NOXA1: variants seen among roughly 807,000 people sequenced by gnomAD.
NOXA1 encodes the protein NCF2-like protein.
A neutral mutation model predicts 64.8 loss-of-function variants in NOXA1; 56 were observed. The ratio of observed to expected loss-of-function variants is 0.86; its 90% CI spans 0.70 to 1.08. The LOEUF is 1.08. NOXA1 is among the 50% of genes least tolerant of loss of function. NOXA1 has a pLI of 0.00. For missense variants in NOXA1, 668 were observed against 658.5 expected (o/e 1.01, Z -0.16); for synonymous variants, 295 against 294.8 (o/e 1.00, Z -0.01).
Position 137,433,849 on chromosome 9 carries a change from G to A in NOXA1, c.1164G>A (p.Leu388=), listed in dbSNP as rs1564243013. ...ACGCAGCTGCCTGCCCCAGGGGGCT[G>A]CAGCTGCAGTGCAGGGTGAGCCAAG... ...WQDAAACPRG[L]QLQCRGAGGR... is the part of the protein sequence containing the mutation. The change falls in exon 12 of 14, where the codon CTG becomes CTA. Residue 388 remains leucine (L), a synonymous_variant. Transcript: ENST00000683555. 6.9e-7 allele frequency: 1 copy of A among 1,451,736 alleles called. No individual in the cohort carries two copies. The highest frequency in any genetic ancestry group is 9.1e-7 in the Non-Finnish European group (1 of 1,099,876). 89.9% of individuals were successfully genotyped at this position (1,451,736 alleles called of 1,614,324 possible). A position where few individuals can be genotyped will look rare whatever the true frequency, so the allele number is the denominator to read the frequency against.
At chr9:137,425,827 G>A (rs1339663214) in intron 1 of NOXA1, among the ~76,000 whole-genome samples, 2 of 150,216 alleles carry the variant, frequency 1.3e-5, no homozygotes, top group East Asian at 2.0e-4. Context: ...AGCCAAGATC[G>A]AGCCACTGCA....
intron 1 of NOXA1, among the ~76,000 whole-genome samples, chr9:137,425,569 A>G (rs951972639): frequency 3.3e-5 from 5 of 152,106 alleles, no homozygotes; most frequent in African/African-American, 4.8e-5. Context: ...TATTTTTAGT[A>G]GAGATGGGGT....
At chr9:137,433,894 C>A (rs960994837) in intron 12 of NOXA1, 30 bp downstream of exon 12, 1 of 1,474,260 alleles carries the variant, frequency 6.8e-7, no homozygotes, top group Non-Finnish European at 9.0e-7. Flanking sequence ...GGGGCAGGGG[C>A]ACCCTGAGGG....
intron 9 of NOXA1, 35 bp from the exon 10 acceptor site, chr9:137,433,170 G>C (rs1839190607): frequency 6.2e-7 from 1 of 1,609,398 alleles, no homozygotes; most frequent in African/African-American, 1.3e-5. Flanking sequence ...CCACTTTGGT[G>C]GTAGTGGCTG....
intron 2 of NOXA1, 150 bp downstream of exon 2, chr9:137,426,480 CTG>C (rs2131874602): frequency 2.8e-6 from 2 of 710,766 alleles, no homozygotes; most frequent in South Asian, 1.7e-5. Flanking sequence ...AAACCTGAGA[CTG>C]TGGCCCTCGC....
At position 137,431,135 on chromosome 9, in the gene NOXA1, C is replaced by T; in HGVS notation, c.698+35C>T. On this transcript the variant is annotated intron_variant, in intron 7 of 13. Coordinates refer to ENST00000683555, the MANE Select transcript of NOXA1 (RefSeq NM_001256067.2). The surrounding 1 kb of genome is among the most constrained non-coding windows in gnomAD (Gnocchi z 5.6). ...GCTGACTGGGCCCTGCGAGCGCGTG[C>T]CTTTCCTGCTGGGCAGAGGCCCTCC... is the stretch of plus-strand genomic sequence containing the variant. 1 of 1,612,830 alleles carries T rather than the reference C, an allele frequency of 6.2e-7. No homozygotes were observed. Among genetic ancestry groups the T allele is most frequent in the Non-Finnish European group, 8.5e-7 (1 of 1,179,826 alleles).
chr9:137,429,809 CGGGGGGGT>C (rs1839012028), intron 5 of NOXA1, among the ~76,000 whole-genome samples: 1 of 97,708 alleles, frequency 1.0e-5, no homozygotes, highest in East Asian at 3.1e-4. Context: ...AGCGAGGTCC[CGGGGGGGT>C]CCCTGCGTCC....
intron 1 of NOXA1, 24 bp downstream of exon 1, chr9:137,423,730 GTGCGGGCGA>G (rs1177480543): frequency 8.0e-7 from 1 of 1,250,722 alleles, no homozygotes. Context: ...GGGGAGGCCG[GTGCGGGCGA>G]CGCCTCCGCC....
intron 1 of NOXA1, among the ~76,000 whole-genome samples, chr9:137,425,170 A>T (rs1292180624): frequency 6.6e-6 from 1 of 152,204 alleles, no homozygotes; most frequent in East Asian, 1.9e-4. Context: ...GCCCCCACTC[A>T]GCCAGATTTG....
chr9:137,432,888 C>T (rs1839174800), intron 8 of NOXA1, 141 bp from the exon 9 acceptor site: 15 of 859,004 alleles, frequency 1.7e-5, no homozygotes, highest in Non-Finnish European at 2.6e-5. Flanking sequence ...GTGGCCAGTG[C>T]CCTGAATTCA....
Position 137,431,172 on chromosome 9 carries a change from C to G in NOXA1, c.699-64C>G. The G allele has an allele frequency of 1.9e-6, 3 of 1,610,676 alleles. No homozygotes were observed. In the South Asian group the frequency reaches 3.3e-5, roughly 18 times the overall value. ...GGCAGAGGCCCTCCACATGGGGCCA[C>G]GCGGGCCGGGCACAGGAGGGCAGTC... is the stretch of plus-strand genomic sequence containing the variant. On this transcript the variant is annotated intron_variant, in intron 7 of 13. Transcript: ENST00000683555. The surrounding 1 kb of genome is among the most constrained non-coding windows in gnomAD (Gnocchi z 5.6).
In NOXA1 at chr9:137,433,558, G is replaced by A; in HGVS notation, c.1015G>A (p.Ala339Thr). Reference sequence around the variant, plus strand: ...AGGAGCCGACCTGTCCAGCCTGCGGGCACTGCTGGGCCAAGCCCTCCCTCA... The same window carrying A: ...AGGAGCCGACCTGTCCAGCCTGCGGACACTGCTGGGCCAAGCCCTCCCTCA... Reference protein sequence around the residue: ...RRGADLSSLRALLGQALPHQA... With the variant: ...RRGADLSSLRTLLGQALPHQA... The change falls in exon 11 of 14, where the codon GCA becomes ACA. Residue 339 changes from alanine (A) to threonine (T), a missense_variant. By Grantham distance (58) the Ala-to-Thr change is moderately conservative. Transcript: ENST00000683555. 6 of 1,569,812 alleles carry A rather than the reference G, an allele frequency of 3.8e-6. No homozygotes were observed. Among genetic ancestry groups the A allele is most frequent in the Non-Finnish European group, 5.2e-6 (6 of 1,159,952 alleles).
Position 137,433,224 on chromosome 9 carries a change from G to T in NOXA1, c.870G>T (p.Gly290=), listed in dbSNP as rs754103558. ...PLSPGLPAMG[G]PGPGPCEDPA... is the part of the protein sequence containing the mutation. ...CTACAGGGCTGCCGGCAATGGGGGG[G>T]CCTGGCCCCGGCCCCTGTGAGGACC... is the stretch of plus-strand genomic sequence containing the variant. The change falls in exon 10 of 14, where the codon GGG becomes GGT. Residue 290 remains glycine, a synonymous_variant. Coordinates refer to ENST00000683555, the MANE Select transcript of NOXA1 (RefSeq NM_001256067.2). 9 of 1,605,138 alleles carry T rather than the reference G, an allele frequency of 5.6e-6. No individual in the cohort carries two copies. The Admixed American group carries it at 1.5e-4, about 27-fold the overall frequency.
intron 2 of NOXA1, among the ~76,000 whole-genome samples, chr9:137,427,669 TCA>T (rs1838897199): frequency 6.6e-6 from 1 of 152,052 alleles, no homozygotes; most frequent in African/African-American, 2.4e-5. Context: ...GGAAGGAGGC[TCA>T]GAGTTTGGAG....
chr9:137,429,444 C>T, intron 5 of NOXA1, 61 bp downstream of exon 5: 2 of 1,231,058 alleles, frequency 1.6e-6, no homozygotes, highest in Non-Finnish European at 2.3e-6. Flanking sequence ...GAACTGTGTT[C>T]CCAGGGATGG....
Position 137,426,335 on chromosome 9 carries a change from G to C in NOXA1, c.260+5G>C. 1.9e-6 allele frequency: 3 copies of C among 1,613,212 alleles called. No individual in the cohort carries two copies. Among genetic ancestry groups the C allele is most frequent in the Non-Finnish European group, 2.5e-6 (3 of 1,179,536 alleles). On this transcript the variant is annotated splice_donor_5th_base_variant and intron_variant, in intron 2 of 13. Coordinates refer to ENST00000683555, the MANE Select transcript of NOXA1 (RefSeq NM_001256067.2). ...GGCCAACTTCCAGCTGGCAAGGTGA[G>C]TACAGGGGTGCCTTGTTCCTTCTCT... is the stretch of plus-strand genomic sequence containing the variant.
chr9:137,431,022 G>A lies in NOXA1; in HGVS notation c.673-53G>A. On this transcript the variant is annotated intron_variant, in intron 6 of 13. Transcript: ENST00000683555. The surrounding 1 kb of genome is among the most constrained non-coding windows in gnomAD (Gnocchi z 5.6). ...CCACTCTTCAAGGTTCAGGAGGAGG[G>A]AGGGCGGCCCCCGACCCTTAACCAG... 6.2e-6 allele frequency: 10 copies of A among 1,612,630 alleles called. No individual in the cohort carries two copies. The South Asian group carries it at 1.1e-4, about 18-fold the overall frequency.
At position 137,433,043 on chromosome 9, in the gene NOXA1, G is replaced by A. The variant is rs150905304; in HGVS notation, c.819G>A (p.Glu273=). The change falls in exon 9 of 14, where the codon GAG becomes GAA. Residue 273 remains glutamate (E), a synonymous_variant. Coordinates refer to ENST00000683555, the MANE Select transcript of NOXA1 (RefSeq NM_001256067.2). ...TTCTCTTGCAGAGGCCCCAGGTGGAGCAAGTTGGCAAACAGGCTCCTCTCT... is the reference window on the plus strand; with the variant it reads ...TTCTCTTGCAGAGGCCCCAGGTGGAACAAGTTGGCAAACAGGCTCCTCTCT... ...TAYQEQRPQV[E]QVGKQAPLSP... 6.2e-7 allele frequency: 1 copy of A among 1,612,806 alleles called. No individual in the cohort carries two copies. The highest frequency in any genetic ancestry group is 8.5e-7 in the Non-Finnish European group (1 of 1,179,898).
rs376466758 is a variant in NOXA1, at chr9:137,431,198, A to G, written c.699-38A>G. ...GCGGGCCGGGCACAGGAGGGCAGTC[A>G]GATGGGCAGGGCCTGAGAGCCTCCC... On this transcript the variant is annotated intron_variant, in intron 7 of 13. Coordinates refer to ENST00000683555, the MANE Select transcript of NOXA1 (RefSeq NM_001256067.2). The surrounding 1 kb of genome is among the most constrained non-coding windows in gnomAD (Gnocchi z 5.6). 1.2e-6 allele frequency: 2 copies of G among 1,609,040 alleles called. No homozygotes were observed. Among genetic ancestry groups the G allele is most frequent in the South Asian group, 2.2e-5 (2 of 90,908 alleles).
Sources: gnomAD v4.1 joint callset for allele counts (sites outside exome capture counted in the v4.1 genomes callset) on GRCh38, gnomAD v4.1.1 for gene constraint, Gnocchi (gnomAD v3.1) non-coding constraint, MANE v1.5 for transcripts, NCBI Gene and HGNC (gene_info 2026-07-23, HGNC 2026-07-21) for gene names.